The following NRCAM variants were observed in gnomAD, a reference collection of about 807,000 sequenced individuals.
NRCAM encodes the protein neuronal cell adhesion molecule.
A neutral mutation model predicts 156.5 loss-of-function variants in NRCAM; 83 were observed. The observed-to-expected ratio is 0.53, with a 90% CI of 0.44 to 0.64. The LOEUF (loss-of-function observed/expected upper bound fraction) is 0.64, where lower values mean the gene tolerates loss of function less well. NRCAM is among the 30% of genes least tolerant of loss of function. The pLI is 0.00. For synonymous variants in NRCAM, 538 were observed against 563.9 expected (o/e 0.95, Z 0.65); for missense variants, 1,417 against 1,597.3 (o/e 0.89, Z 1.92).
chr7:108,375,637 G>C (rs1239509126), intron 2 of NRCAM, among the ~76,000 whole-genome samples: 3 of 152,294 alleles, frequency 2.0e-5, no homozygotes, highest in African/African-American at 7.2e-5. Flanking sequence ...TCTTTCTGGA[G>C]ACAACTAATC....
chr7:108,171,078 G>A (rs1328137213), intron 28 of NRCAM, among the ~76,000 whole-genome samples: 1 of 152,026 alleles, frequency 6.6e-6, no homozygotes, highest in Non-Finnish European at 1.5e-5. Flanking sequence ...TAGGGAATTC[G>A]AACTCTCCTT....
At chr7:108,368,813 A>G (rs2099610457) in intron 2 of NRCAM, among the ~76,000 whole-genome samples, 1 of 152,172 alleles carries the variant, frequency 6.6e-6, no homozygotes, top group Non-Finnish European at 1.5e-5. Flanking sequence ...ATTAATGTTG[A>G]TAAAACTGGT....
chr7:108,216,083 G>A (rs1004201155), intron 11 of NRCAM, among the ~76,000 whole-genome samples: 1 of 152,146 alleles, frequency 6.6e-6, no homozygotes, highest in African/African-American at 2.4e-5. Flanking sequence ...GCTTCCTTCA[G>A]GAGATCTTGT....
At chr7:108,240,210 T>A in intron 3 of NRCAM, 40 bp from the exon 4 acceptor site, 1 of 556,548 alleles carries the variant, frequency 1.8e-6, no homozygotes, top group Non-Finnish European at 3.2e-6. Flanking sequence ...TATAATGTAT[T>A]AAAAAGAAGG....
At chr7:108,429,231 AC>A (rs1821596741) in intron 1 of NRCAM, among the ~76,000 whole-genome samples, 1 of 151,866 alleles carries the variant, frequency 6.6e-6, no homozygotes, top group Non-Finnish European at 1.5e-5. Flanking sequence ...TCACTCTATC[AC>A]CCAGGCTGGA....
At chr7:108,358,790 G>C (rs1027517968) in intron 2 of NRCAM, among the ~76,000 whole-genome samples, 1 of 152,168 alleles carries the variant, frequency 6.6e-6, no homozygotes, top group Non-Finnish European at 1.5e-5. Flanking sequence ...ATGTGAATGC[G>C]GCAGATGTCT....
In NRCAM at chr7:108,198,043, C is replaced by G. The variant is rs369577429; in HGVS notation, c.1264G>C (p.Val422Leu). The change falls in exon 14 of 33, where the codon GTT becomes CTT. Residue 422 changes from valine (V) to leucine (L), a missense_variant. Around this residue, in one of 2 missense-constraint regions of NRCAM, gnomAD observed 1,238 missense variants for 1,336.4 expected, o/e 0.93. Coordinates refer to ENST00000379028, the MANE Select transcript of NRCAM (RefSeq NM_001037132.4). ...IDGDTIIFSN[V>L]QERSSAVYQC... ...TAGACTGCACTTGATCTTTCTTGAA[C>G]ATTTGAAAAAATAATGGTATCGCCA... 4.2e-5 allele frequency: 68 copies of G among 1,604,846 alleles called. No homozygotes were observed. The highest frequency in any genetic ancestry group is 5.3e-5 in the Non-Finnish European group (62 of 1,176,038).
chr7:108,182,598 C>A (rs2064133949), intron 23 of NRCAM, 97 bp downstream of exon 23: 1 of 1,044,906 alleles, frequency 9.6e-7, no homozygotes. Flanking sequence ...ATAATTGCCA[C>A]CTCCCTCCCT....
intron 13 of NRCAM, among the ~76,000 whole-genome samples, chr7:108,203,070 C>G (rs930784914): frequency 3.9e-5 from 6 of 152,146 alleles, no homozygotes; most frequent in South Asian, 2.1e-4. Context: ...AAAACACCCC[C>G]CTCAGTGTGG....
At chr7:108,215,408 G>T (rs572257022) in intron 11 of NRCAM, among the ~76,000 whole-genome samples, 1 of 151,856 alleles carries the variant, frequency 6.6e-6, no homozygotes, top group Non-Finnish European at 1.5e-5. Context: ...GTACAGATGG[G>T]GTTTCACCAT....
chr7:108,443,568 G>C (rs1042856327), intron 1 of NRCAM, among the ~76,000 whole-genome samples: 10 of 152,152 alleles, frequency 6.6e-5, no homozygotes, highest in Non-Finnish European at 1.2e-4. Flanking sequence ...ATCAGCAACT[G>C]TAACATTTTT....
At position 108,226,190 on chromosome 7, in the gene NRCAM, G is replaced by C. The variant is rs1374518942; in HGVS notation, c.721+18C>G. 6.5e-7 allele frequency: 1 copy of C among 1,546,302 alleles called. No individual in the cohort carries two copies. The highest frequency in any genetic ancestry group is 1.4e-5 in the African/African-American group (1 of 72,554). ...GTAAATGTCATTGAAGGGGAGATTTGGGAAGCTGAACTCTTACCTGAAATC... is the reference window on the plus strand; with the variant it reads ...GTAAATGTCATTGAAGGGGAGATTTCGGAAGCTGAACTCTTACCTGAAATC... On this transcript the variant is annotated intron_variant, in intron 9 of 32. Transcript: ENST00000379028.
chr7:108,186,774 C>CA (rs1249122929), intron 20 of NRCAM, among the ~76,000 whole-genome samples: 1 of 152,144 alleles, frequency 6.6e-6, no homozygotes, highest in Non-Finnish European at 1.5e-5. Context: ...TATATCTTAA[C>CA]ATTGTAAAGC....
chr7:108,319,938 C>A lies in NRCAM; in HGVS notation c.-173-7207G>T, dbSNP rs1407139797. 6.6e-5 allele frequency among the ~76,000 whole-genome samples: 10 copies of A among 152,108 alleles called. No homozygotes were observed. In the East Asian group the frequency reaches 1.9e-3, roughly 29 times the overall value. On this transcript the variant is annotated intron_variant, in intron 2 of 32. Transcript: ENST00000379028. The stretch of plus-strand genomic sequence containing the variant: ...AAGCCACTGATGTATTTTAAGAAAG[C>A]TGAGGGTGGAAGAGGAATGATTTGA...
intron 6 of NRCAM, 97 bp from the exon 7 acceptor site, chr7:108,232,619 T>A: frequency 2.6e-6 from 2 of 783,072 alleles, no homozygotes; most frequent in Non-Finnish European, 4.0e-6. Flanking sequence ...TAGAAATAAT[T>A]ACCAGATTTT....
At chr7:108,209,321 CT>C (rs1588321607) in intron 12 of NRCAM, 99 bp downstream of exon 12, 1 of 812,550 alleles carries the variant, frequency 1.2e-6, no homozygotes, top group Non-Finnish European at 1.9e-6. Flanking sequence ...GTTGACATAA[CT>C]TTACATTTAC....
chr7:108,255,309 G>C (rs1204164618), intron 3 of NRCAM, among the ~76,000 whole-genome samples: 3 of 152,130 alleles, frequency 2.0e-5, no homozygotes, highest in Non-Finnish European at 2.9e-5. Context: ...TGGGATTGCA[G>C]GTGTGCGCCG....
At chr7:108,409,780 G>A (rs1027773626) in intron 1 of NRCAM, among the ~76,000 whole-genome samples, 1 of 152,154 alleles carries the variant, frequency 6.6e-6, no homozygotes, top group Non-Finnish European at 1.5e-5. Context: ...ACCCATAGAA[G>A]CTGTGAACAC....
Position 108,209,482 on chromosome 7 carries a change from G to C in NRCAM, c.1014C>G (p.Tyr338Ter). Residue 338 changes from tyrosine (Y) to a stop codon, truncating the protein, a stop_gained, in exon 12 of 33, where the codon TAC (tyrosine) becomes TAG (stop). Coordinates refer to ENST00000379028, the MANE Select transcript of NRCAM (RefSeq NM_001037132.4). LOFTEE classifies it high-confidence loss of function. ...CTAATGCGTTTTTTGCTATACATTG[G>C]TAATTTCCAGAGTCTGCTTCTGAAA... is the stretch of plus-strand genomic sequence containing the variant. ...IHVSEADSGN[Y>*]QCIAKNALGA... The C allele has an allele frequency of 1.2e-6, 2 of 1,611,498 alleles. No individual in the cohort carries two copies. Among genetic ancestry groups the C allele is most frequent in the East Asian group, 4.5e-5 (2 of 44,736 alleles).
Sources: gnomAD v4.1 joint callset for allele counts (sites outside exome capture counted in the v4.1 genomes callset) on GRCh38, gnomAD v4.1.1 for gene constraint, gnomAD v4.1.1 regional missense constraint, MANE v1.5 for transcripts, NCBI Gene and HGNC (gene_info 2026-07-23, HGNC 2026-07-21) for gene names.